The following INPP4B variants were observed in gnomAD, a reference collection of about 807,000 sequenced individuals.
The protein encoded by INPP4B is inositol polyphosphate 4-phosphatase type II.
A neutral mutation model predicts 122.5 loss-of-function variants in INPP4B; 55 were observed. That is an observed-to-expected ratio of 0.45 (90% CI 0.36 to 0.56). The LOEUF is 0.56. Ranked by LOEUF, INPP4B falls within the 20% of genes least tolerant of loss-of-function variation. INPP4B has a pLI of 0.00. For synonymous variants in INPP4B, 403 were observed against 388.7 expected (o/e 1.04, Z -0.43); for missense variants, 1,000 against 1,097.7 (o/e 0.91, Z 1.26).
chr4:142,419,987 G>A (rs574066329), intron 5 of INPP4B, among the ~76,000 whole-genome samples: 1 of 152,140 alleles, frequency 6.6e-6, no homozygotes, highest in South Asian at 2.1e-4. Flanking sequence ...AGAGGGACTT[G>A]CTTCAGTGAC....
intron 18 of INPP4B, among the ~76,000 whole-genome samples, chr4:142,134,505 A>G (rs1579027549): frequency 1.3e-5 from 2 of 152,348 alleles, no homozygotes; most frequent in Admixed American, 1.3e-4. Context: ...TTTACATGGC[A>G]TATTTTGATT....
intron 1 of INPP4B, among the ~76,000 whole-genome samples, chr4:142,759,588 A>G (rs754748660): frequency 6.6e-6 from 1 of 152,206 alleles, no homozygotes; most frequent in Non-Finnish European, 1.5e-5. Flanking sequence ...GTGTTGCCTA[A>G]TAACAATTTT....
intron 2 of INPP4B, among the ~76,000 whole-genome samples, chr4:142,688,970 C>T (rs922681936): frequency 3.9e-5 from 6 of 152,176 alleles, no homozygotes; most frequent in Non-Finnish European, 8.8e-5. Context: ...AGACAGCTTT[C>T]GACTCCTCAT....
At chr4:142,404,909 A>G (rs1405486611) in intron 6 of INPP4B, among the ~76,000 whole-genome samples, 1 of 150,266 alleles carries the variant, frequency 6.7e-6, no homozygotes, top group Admixed American at 6.6e-5. Context: ...TTTTTTTTCT[A>G]TCTTTGGGAG....
rs542516665 is a variant in INPP4B at position 142,807,215 on chromosome 4, T to C, written c.-254+38994A>G. ...AATATTGTAAGGGAGGCGTGAAACATGGGATATATATATAAGTAGAAAGGT... is the reference window on the plus strand; with the variant it reads ...AATATTGTAAGGGAGGCGTGAAACACGGGATATATATATAAGTAGAAAGGT... On this transcript the variant is annotated intron_variant, in intron 1 of 25. Transcript: ENST00000262992. Among the ~76,000 whole-genome samples the C allele has an allele frequency of 4.1e-3, 618 of 151,838 alleles. 3 individuals are homozygous for C. The highest frequency in any genetic ancestry group is 6.7e-3 in the Non-Finnish European group (458 of 67,906).
chr4:142,539,681 A>C lies in INPP4B; in HGVS notation c.-190-76955T>G, dbSNP rs116064929. Among the ~76,000 whole-genome samples the C allele has an allele frequency of 6.9e-3, 1,057 of 152,194 alleles. 10 individuals are homozygous for C. Among genetic ancestry groups the C allele is most frequent in the African/African-American group, 0.024 (992 of 41,562 alleles). The stretch of plus-strand genomic sequence containing the variant: ...AGGACATTGGTTAAACCGAATAAAC[A>C]TCATTCACCAGCTCTGATGTTACAT... On this transcript the variant is annotated intron_variant, in intron 2 of 25. Transcript: ENST00000262992.
At chr4:142,157,575 C>T (rs1000157144) in intron 17 of INPP4B, among the ~76,000 whole-genome samples, 20 of 152,064 alleles carry the variant, frequency 1.3e-4, no homozygotes, top group African/African-American at 4.6e-4. Context: ...AGCAATGCAG[C>T]CCTTCATTAT....
At chr4:142,265,428 T>C (rs1032368060) in intron 10 of INPP4B, among the ~76,000 whole-genome samples, 1 of 152,224 alleles carries the variant, frequency 6.6e-6, no homozygotes, top group African/African-American at 2.4e-5. Context: ...TCACCGTTAG[T>C]AACAGATAAT....
At chr4:142,096,835 G>A (rs1782027063) in intron 23 of INPP4B, among the ~76,000 whole-genome samples, 1 of 152,092 alleles carries the variant, frequency 6.6e-6, no homozygotes, top group African/African-American at 2.4e-5. Flanking sequence ...GAAGCCATTA[G>A]ACAGCAATGG....
At chr4:142,583,796 T>C (rs1378475472) in intron 2 of INPP4B, among the ~76,000 whole-genome samples, 1 of 152,182 alleles carries the variant, frequency 6.6e-6, no homozygotes, top group African/African-American at 2.4e-5. Flanking sequence ...ATTCTACTTT[T>C]TCTGGGGTAA....
At chr4:142,228,304 T>G (rs548286189) in intron 12 of INPP4B, among the ~76,000 whole-genome samples, 2 of 151,640 alleles carry the variant, frequency 1.3e-5, no homozygotes, top group East Asian at 3.9e-4. Context: ...TTTTAAAAGA[T>G]CAATACAAAT....
At chr4:142,043,009 C>G (rs1461051902) in intron 25 of INPP4B, among the ~76,000 whole-genome samples, 1 of 152,148 alleles carries the variant, frequency 6.6e-6, no homozygotes, top group African/African-American at 2.4e-5. Context: ...TTCTCAAATA[C>G]TAACCTCTAC....
At chr4:142,126,291 T>A (rs1798585744) in intron 18 of INPP4B, among the ~76,000 whole-genome samples, 1 of 152,164 alleles carries the variant, frequency 6.6e-6, no homozygotes, top group Admixed American at 6.6e-5. Context: ...AGTGCAAGCA[T>A]CATTGTGAGT....
chr4:142,516,725 T>C (rs1825460983), intron 2 of INPP4B, among the ~76,000 whole-genome samples: 1 of 152,038 alleles, frequency 6.6e-6, no homozygotes, highest in African/African-American at 2.4e-5. Context: ...CAGTTAGAGG[T>C]GAAAGGACAG....
In INPP4B at chr4:142,246,674, T is replaced by C. The variant is rs368030901; in HGVS notation, c.689-8663A>G. On this transcript the variant is annotated intron_variant, in intron 11 of 25. Coordinates refer to ENST00000262992, the MANE Select transcript of INPP4B (RefSeq NM_001101669.3). ...ATTCTGAGACTTTGCTGAAGTTGCT[T>C]ATCAGCTTAAGGAGATTTGGGGCTA... Among the ~76,000 whole-genome samples the C allele has an allele frequency of 5.0e-4, 76 of 152,338 alleles. 1 individual carries two copies. Among genetic ancestry groups the C allele is most frequent in the Middle Eastern group, 6.8e-3 (2 of 294 alleles).
intron 2 of INPP4B, among the ~76,000 whole-genome samples, chr4:142,615,492 T>C (rs1040943467): frequency 1.3e-5 from 2 of 152,176 alleles, no homozygotes; most frequent in Admixed American, 6.5e-5. Flanking sequence ...TGTTAACCAA[T>C]AAACTAGGTC....
chr4:142,316,782 T>G (rs561104070), intron 7 of INPP4B, among the ~76,000 whole-genome samples: 1 of 152,330 alleles, frequency 6.6e-6, no homozygotes, highest in African/African-American at 2.4e-5. Flanking sequence ...TAGAAAATTT[T>G]TGACAATTAA....
intron 2 of INPP4B, among the ~76,000 whole-genome samples, chr4:142,627,270 C>A (rs1309942338): frequency 2.0e-5 from 3 of 151,322 alleles, no homozygotes; most frequent in Non-Finnish European, 2.9e-5. Flanking sequence ...ATTGCCCTGG[C>A]CAGAACTTCC....
At chr4:142,678,350 T>C (rs1294469619) in intron 2 of INPP4B, among the ~76,000 whole-genome samples, 1 of 151,890 alleles carries the variant, frequency 6.6e-6, no homozygotes. Flanking sequence ...CCCGATAATA[T>C]GCAAGTAGTA....
Sources: allele counts gnomAD v4.1 joint callset (sites outside exome capture counted in the v4.1 genomes callset), GRCh38; gene constraint gnomAD v4.1.1; transcripts MANE v1.5; gene names NCBI Gene and HGNC (gene_info 2026-07-23, HGNC 2026-07-21).